Variants in PHACTR4 observed in about 807,000 individuals in gnomAD.
PHACTR4 encodes phosphatase and actin regulator 4.
Under a neutral mutation model 72.7 loss-of-function variants are expected in PHACTR4, and 51 were observed. That is an observed-to-expected ratio of 0.70 (90% CI 0.56 to 0.89). PHACTR4 has a LOEUF of 0.89. PHACTR4 is among the 40% of genes least tolerant of loss of function. The pLI is 0.00. For missense variants in PHACTR4, 731 were observed against 861.8 expected, an observed-to-expected ratio of 0.85 and a Z score of 1.90; for synonymous variants, 255 against 302.5, an observed-to-expected ratio of 0.84 and a Z score of 1.63.
chr1:28,488,770 C>T (rs7518859), intron 9 of PHACTR4, among the ~76,000 whole-genome samples: 15,938 of 151,916 alleles, frequency 0.1, 1,911 homozygotes, highest in African/African-American at 0.3. Context: ...TTTCTGTTAA[C>T]GTTTCTTGGG....
chr1:28,433,580 C>A (rs1656429589), intron 2 of PHACTR4, among the ~76,000 whole-genome samples: 1 of 150,172 alleles, frequency 6.7e-6, no homozygotes. Context: ...GCCTCAGCCT[C>A]CTGTGTAGCT....
chr1:28,436,277 T>TC (rs1383948148), intron 2 of PHACTR4, among the ~76,000 whole-genome samples: 2 of 152,076 alleles, frequency 1.3e-5, no homozygotes, highest in Non-Finnish European at 2.9e-5. Context: ...TATTTTAATT[T>TC]TTTTTTTTAG....
chr1:28,372,962 T>G (rs376971206), intron 1 of PHACTR4, among the ~76,000 whole-genome samples: 1 of 152,062 alleles, frequency 6.6e-6, no homozygotes, highest in Non-Finnish European at 1.5e-5. Flanking sequence ...TTTTTATGAT[T>G]ATTATTATTT....
intron 4 of PHACTR4, among the ~76,000 whole-genome samples, chr1:28,460,940 A>G (rs1658758118): frequency 6.6e-6 from 1 of 151,744 alleles, no homozygotes; most frequent in South Asian, 2.1e-4. Flanking sequence ...CACCGCGCCC[A>G]GCTCATTTTC....
At chr1:28,415,281 G>T (rs1232291671) in intron 2 of PHACTR4, among the ~76,000 whole-genome samples, 1 of 144,034 alleles carries the variant, frequency 6.9e-6, no homozygotes, top group African/African-American at 2.6e-5. Context: ...AAAAGAGAGA[G>T]AAAAGAAAGA....
intron 1 of PHACTR4, among the ~76,000 whole-genome samples, chr1:28,389,937 C>T (rs1337667145): frequency 6.6e-6 from 1 of 152,096 alleles, no homozygotes; most frequent in East Asian, 1.9e-4. Flanking sequence ...CAGCATTATT[C>T]ACAAGAGCCA....
chr1:28,410,311 A>G (rs181365247), intron 2 of PHACTR4, among the ~76,000 whole-genome samples: 61 of 151,922 alleles, frequency 4.0e-4, no homozygotes, highest in African/African-American at 1.1e-3. Flanking sequence ...TAAATCTTGA[A>G]GAATTTGGTA....
At chr1:28,415,310 C>T (rs936591869) in intron 2 of PHACTR4, among the ~76,000 whole-genome samples, 3 of 151,604 alleles carry the variant, frequency 2.0e-5, no homozygotes, top group African/African-American at 4.8e-5. Context: ...CATGGCTACA[C>T]TGTACATAAG....
chr1:28,466,317 T>G, intron 5 of PHACTR4, 65 bp from the exon 6 acceptor site: 1 of 1,510,990 alleles, frequency 6.6e-7, no homozygotes, highest in South Asian at 1.3e-5. Context: ...CATAGATGTG[T>G]TAGCTTTTTC....
intron 1 of PHACTR4, among the ~76,000 whole-genome samples, chr1:28,378,569 GCCC>G (rs71027274): frequency 3.1e-5 from 2 of 63,620 alleles, no homozygotes; most frequent in East Asian, 4.8e-4. Flanking sequence ...TCTCCCCCCA[GCCC>G]CCCCCCCCTT....
intron 2 of PHACTR4, among the ~76,000 whole-genome samples, chr1:28,453,219 T>C (rs956107852): frequency 6.6e-6 from 1 of 152,188 alleles, no homozygotes; most frequent in Non-Finnish European, 1.5e-5. Context: ...TGAAGTGAGC[T>C]CAAGTATTGC....
intron 2 of PHACTR4, among the ~76,000 whole-genome samples, chr1:28,431,648 T>C (rs907502479): frequency 2.6e-5 from 4 of 152,202 alleles, no homozygotes; most frequent in Non-Finnish European, 4.4e-5. Flanking sequence ...ATTCAAACTA[T>C]ACTTTGTTCA....
At chr1:28,448,294 T>C (rs2124433880) in intron 2 of PHACTR4, among the ~76,000 whole-genome samples, 1 of 151,748 alleles carries the variant, frequency 6.6e-6, no homozygotes, top group East Asian at 1.9e-4. Context: ...AGCGGATAGA[T>C]CACTGTTGGC....
At chr1:28,472,161 C>G (rs1659601824) in intron 6 of PHACTR4, among the ~76,000 whole-genome samples, 1 of 148,874 alleles carries the variant, frequency 6.7e-6, no homozygotes, top group African/African-American at 2.5e-5. Flanking sequence ...TGCAGTGAGC[C>G]GAGATGGCAC....
At position 28,411,977 on chromosome 1, in the gene PHACTR4, C is replaced by T. The variant is rs772345159; in HGVS notation, c.16+4514C>T. ...AAATAAAAGTAGTGAGGGATTTTTA[C>T]GAATAAAGTACCAGAAGGATAGACC... On this transcript the variant is annotated intron_variant, in intron 2 of 13. Transcript: ENST00000373839. 3.3e-5 allele frequency among the ~76,000 whole-genome samples: 5 copies of T among 152,068 alleles called. No homozygotes were observed. The South Asian group carries it at 8.3e-4, about 25-fold the overall frequency.
intron 6 of PHACTR4, among the ~76,000 whole-genome samples, chr1:28,469,270 C>A (rs1659411528): frequency 6.6e-6 from 1 of 152,096 alleles, no homozygotes; most frequent in African/African-American, 2.4e-5. Context: ...AACCAACAAT[C>A]TGAGGTTGAT....
chr1:28,414,921 T>C (rs1655012068), intron 2 of PHACTR4, among the ~76,000 whole-genome samples: 1 of 152,124 alleles, frequency 6.6e-6, no homozygotes, highest in East Asian at 1.9e-4. Context: ...TAAAATACAA[T>C]GAATGTATTA....
intron 2 of PHACTR4, among the ~76,000 whole-genome samples, chr1:28,447,601 GT>G (rs1186578567): frequency 1.3e-5 from 2 of 151,436 alleles, no homozygotes; most frequent in East Asian, 1.9e-4. Flanking sequence ...AAAGTTTGAA[GT>G]TTTTTTTCCA....
chr1:28,484,369 C>T (rs1660487683), intron 9 of PHACTR4, among the ~76,000 whole-genome samples: 1 of 151,948 alleles, frequency 6.6e-6, no homozygotes, highest in South Asian at 2.1e-4. Context: ...CCCCTGTAGT[C>T]CTAGCTACGT....
Sources: allele counts gnomAD v4.1 joint callset (sites outside exome capture counted in the v4.1 genomes callset), GRCh38; gene constraint gnomAD v4.1.1; transcripts MANE v1.5; gene names NCBI Gene and HGNC (gene_info 2026-07-23, HGNC 2026-07-21).